The following SLCO1B1 variants were observed in gnomAD, a reference collection of about 807,000 sequenced individuals.
The protein encoded by SLCO1B1 is OATP-2.
Under a neutral mutation model 70.1 loss-of-function variants are expected in SLCO1B1, and 81 were observed. The observed-to-expected ratio is 1.16, with a 90% CI of 0.97 to 1.39. The LOEUF (loss-of-function observed/expected upper bound fraction) is 1.39. SLCO1B1 is among the 40% of genes most tolerant of loss of function. SLCO1B1 has a pLI of 0.00. For synonymous variants in SLCO1B1, 283 were observed against 271.5 expected (o/e 1.04, Z -0.42); for missense variants, 895 against 799.6 (o/e 1.12, Z -1.44).
intron 2 of SLCO1B1, among the ~76,000 whole-genome samples, chr12:21,147,172 C>T (rs1364534372): frequency 3.9e-5 from 6 of 152,202 alleles, no homozygotes; most frequent in Middle Eastern, 3.4e-3. Flanking sequence ...TGTAATGCCC[C>T]GTTTTTACCT....
chr12:21,174,050 C>A (rs916855409), intron 3 of SLCO1B1, among the ~76,000 whole-genome samples: 27 of 152,146 alleles, frequency 1.8e-4, no homozygotes, highest in African/African-American at 6.5e-4. Flanking sequence ...AGCCACCATG[C>A]CTGGCCTCTG....
At chr12:21,225,879 A>G (rs1197624076) in intron 14 of SLCO1B1, among the ~76,000 whole-genome samples, 1 of 152,206 alleles carries the variant, frequency 6.6e-6, no homozygotes. Context: ...TGATACTGTT[A>G]AGTAATCATG....
rs200319276 is a variant in SLCO1B1 at position 21,217,153 on chromosome 12, G to A, written c.1532G>A (p.Gly511Asp). The change falls in exon 12 of 15, where the codon GGT (glycine) becomes GAT (aspartate). Residue 511 changes from glycine (G) to aspartate (D), a missense_variant. Gly to Asp is a moderately conservative substitution (Grantham distance 94, BLOSUM62 -1). Coordinates refer to ENST00000256958, the MANE Select transcript of SLCO1B1 (RefSeq NM_006446.5). ...FYNCSCLEVT[G>D]LQNRNYSAHL... ...AACTGCAGTTGTTTGGAAGTAACTG[G>A]TCTCCAGAACAGAAATTACTCAGCC... 8 of 1,613,564 alleles carry A rather than the reference G, an allele frequency of 5.0e-6. No individual in the cohort carries two copies. In the East Asian group the frequency reaches 1.8e-4, roughly 36 times the overall value.
intron 7 of SLCO1B1, among the ~76,000 whole-genome samples, chr12:21,187,027 C>T (rs550309909): frequency 6.6e-6 from 1 of 152,004 alleles, no homozygotes; most frequent in African/African-American, 2.4e-5. Context: ...TTTTCAGATT[C>T]CACTAAGAAA....
At chr12:21,173,084 T>C (rs1018644792) in intron 3 of SLCO1B1, among the ~76,000 whole-genome samples, 2 of 152,166 alleles carry the variant, frequency 1.3e-5, no homozygotes, top group African/African-American at 4.8e-5. Flanking sequence ...CACAAATTCA[T>C]TTTTTGCAAA....
intron 10 of SLCO1B1, among the ~76,000 whole-genome samples, chr12:21,203,047 C>A (rs1349380337): frequency 1.3e-5 from 2 of 152,038 alleles, no homozygotes; most frequent in East Asian, 3.9e-4. Context: ...TTTTTTAAGT[C>A]CAAAACTCTT....
intron 7 of SLCO1B1, among the ~76,000 whole-genome samples, chr12:21,186,593 A>G (rs1940964267): frequency 6.6e-6 from 1 of 152,114 alleles, no homozygotes; most frequent in Admixed American, 6.6e-5. Flanking sequence ...TGCTTGATAT[A>G]TAATGCAGAT....
chr12:21,173,984 C>T (rs1940788210), intron 3 of SLCO1B1, among the ~76,000 whole-genome samples: 1 of 152,008 alleles, frequency 6.6e-6, no homozygotes, highest in African/African-American at 2.4e-5. Context: ...GTCTCGATTT[C>T]CTGACCTCGT....
intron 7 of SLCO1B1, among the ~76,000 whole-genome samples, chr12:21,186,665 A>C (rs960373542): frequency 6.6e-5 from 10 of 151,898 alleles, no homozygotes; most frequent in Non-Finnish European, 4.4e-5. Context: ...TCATTGTAAA[A>C]AACAAAAAAA....
At chr12:21,176,137 T>G in intron 4 of SLCO1B1, among the ~76,000 whole-genome samples, 1 of 152,258 alleles carries the variant, frequency 6.6e-6, no homozygotes, top group African/African-American at 2.4e-5. Context: ...ATAACTTTTA[T>G]CATCTATGTT....
chr12:21,142,764 T>C (rs1004286992), intron 2 of SLCO1B1, among the ~76,000 whole-genome samples: 4 of 152,112 alleles, frequency 2.6e-5, no homozygotes, highest in Non-Finnish European at 5.9e-5. Context: ...GAATTGTTTT[T>C]ATTTTTAAAT....
At chr12:21,201,471 A>G (rs1941156482) in intron 9 of SLCO1B1, among the ~76,000 whole-genome samples, 1 of 152,170 alleles carries the variant, frequency 6.6e-6, no homozygotes, top group Admixed American at 6.6e-5. Context: ...CTTATTAGAC[A>G]AAGATATGGA....
At chr12:21,146,654 A>C (rs7977197) in intron 2 of SLCO1B1, among the ~76,000 whole-genome samples, 19,802 of 151,880 alleles carry the variant, frequency 0.13, 1,785 homozygotes, top group Middle Eastern at 0.24. Flanking sequence ...TATTTTTTTC[A>C]AGATGTTTTA....
intron 2 of SLCO1B1, among the ~76,000 whole-genome samples, chr12:21,171,591 A>G (rs1341715412): frequency 6.6e-6 from 1 of 152,190 alleles, no homozygotes; most frequent in East Asian, 1.9e-4. Flanking sequence ...TCTTGCAATA[A>G]TTGAAGCTAG....
intron 1 of SLCO1B1, among the ~76,000 whole-genome samples, chr12:21,134,850 G>C (rs1445623441): frequency 2.0e-5 from 3 of 151,886 alleles, no homozygotes; most frequent in Admixed American, 6.6e-5. Context: ...CTGCTCTGAT[G>C]GTAGTTATTT....
intron 1 of SLCO1B1, among the ~76,000 whole-genome samples, chr12:21,136,343 C>T (rs535780341): frequency 2.6e-4 from 39 of 152,094 alleles, no homozygotes; most frequent in African/African-American, 8.7e-4. Flanking sequence ...ATCTTTGTGG[C>T]GTACTCTGTA....
intron 2 of SLCO1B1, among the ~76,000 whole-genome samples, chr12:21,169,712 T>A (rs1263056098): frequency 2.6e-5 from 4 of 151,636 alleles, no homozygotes; most frequent in African/African-American, 9.7e-5. Flanking sequence ...TTCCTATATC[T>A]TCATTTGTTT....
At chr12:21,181,292 G>A (rs543114407) in intron 7 of SLCO1B1, among the ~76,000 whole-genome samples, 9 of 152,146 alleles carry the variant, frequency 5.9e-5, no homozygotes, top group South Asian at 2.1e-4. Flanking sequence ...CCTATCTAGC[G>A]CGATTATGAC....
Position 21,202,609 on chromosome 12 carries a change from A to G in SLCO1B1, c.1254A>G (p.Ser418=), listed in dbSNP as rs1459531657. 2 of 1,612,938 alleles carry G rather than the reference A, an allele frequency of 1.2e-6. No homozygotes were observed. Among genetic ancestry groups the G allele is most frequent in the Admixed American group, 3.3e-5 (2 of 59,834 alleles). Residue 418 remains serine, a synonymous_variant, in exon 10 of 15, where the codon TCA becomes TCG. Coordinates refer to ENST00000256958, the MANE Select transcript of SLCO1B1 (RefSeq NM_006446.5). The part of the protein sequence containing the change: ...AKFSCFTAVM[S]LSFYLLYFFI... Reference sequence around the variant, plus strand: ...TCTCATGTTTTACTGCTGTGATGTCATTGTCCTTTTACCTATTATATTTTT... The same window carrying G: ...TCTCATGTTTTACTGCTGTGATGTCGTTGTCCTTTTACCTATTATATTTTT...
Sources: allele counts gnomAD v4.1 joint callset (sites outside exome capture counted in the v4.1 genomes callset), GRCh38; gene constraint gnomAD v4.1.1; transcripts MANE v1.5; gene names NCBI Gene and HGNC (gene_info 2026-07-23, HGNC 2026-07-21).